Variants in SLC1A3 observed in about 807,000 individuals in gnomAD.
The protein encoded by SLC1A3 is solute carrier family 1 member 3.
In SLC1A3, 21 loss-of-function variants were observed where a neutral mutation model predicts 48.1. That is an observed-to-expected ratio of 0.44 (90% CI 0.31 to 0.63). The LOEUF (loss-of-function observed/expected upper bound fraction) is 0.63, where lower values mean the gene tolerates loss of function less well. SLC1A3 is among the 20% of genes least tolerant of loss of function. The pLI, the probability that SLC1A3 is intolerant of heterozygous loss-of-function variation, is 0.08. For missense variants in SLC1A3, 546 were observed against 689.0 expected (o/e 0.79, Z 2.32); for synonymous variants, 239 against 251.4 (o/e 0.95, Z 0.47).
chr5:36,601,315 GA>G (rs748329781), intron 1 of SLC1A3, among the ~76,000 whole-genome samples: 41 of 152,264 alleles, frequency 2.7e-4, no homozygotes, highest in Non-Finnish European at 5.3e-4. Context: ...ATCCTAATGA[GA>G]AGCCATTAAT....
chr5:36,597,901 G>A (rs904966543), intron 1 of SLC1A3, among the ~76,000 whole-genome samples: 3 of 152,112 alleles, frequency 2.0e-5, no homozygotes, highest in African/African-American at 7.2e-5. Context: ...GTCCGCTGAG[G>A]GATTTTATGT....
chr5:36,645,726 G>A (rs558619459), intron 3 of SLC1A3, among the ~76,000 whole-genome samples: 30 of 152,220 alleles, frequency 2.0e-4, no homozygotes, highest in African/African-American at 6.5e-4. Context: ...TGTTTCATTC[G>A]TCTTTATTTG....
intron 3 of SLC1A3, among the ~76,000 whole-genome samples, chr5:36,639,301 A>T (rs914931600): frequency 6.6e-6 from 1 of 152,246 alleles, no homozygotes; most frequent in Non-Finnish European, 1.5e-5. Flanking sequence ...CACATTAAAC[A>T]TACTGCCTGA....
At chr5:36,613,063 A>G in intron 2 of SLC1A3, 1 of 334,660 alleles carries the variant, frequency 3.0e-6, no homozygotes, top group Non-Finnish European at 5.9e-6. Flanking sequence ...AAGGTAGGAT[A>G]CAGGAGAAAG....
At chr5:36,604,916 G>GC (rs1377516983), upstream of SLC1A3, among the ~76,000 whole-genome samples, 3 of 140,790 alleles carry the variant, frequency 2.1e-5, no homozygotes, top group South Asian at 4.8e-4. Flanking sequence ...TGGGGGGGGG[G>GC]GGTGTGCAAA....
intron 3 of SLC1A3, chr5:36,670,802 A>C: frequency 1.7e-6 from 1 of 582,910 alleles, no homozygotes; most frequent in East Asian, 2.9e-5. Flanking sequence ...TGGGGCAGAA[A>C]ATGAGTGACT....
At position 36,636,047 on chromosome 5, in the gene SLC1A3, G is replaced by GTGTGTGTGTGTGTGTT. The variant is rs1740334483; in HGVS notation, c.319+6475_319+6476insTTGTGTGTGTGTGTGT. The stretch of plus-strand genomic sequence containing the variant: ...AGCAAATCTGGGTAATTAAATGTTT[G>GTGTGTGTGTGTGTGTT]TGTGTGTGTGTGTGTGTGTGTGTGT... On this transcript the variant is annotated intron_variant, in intron 3 of 9. Transcript: ENST00000265113. 3 of 146,682 alleles carry GTGTGTGTGTGTGTGTT rather than the reference G, an allele frequency of 2.0e-5. No individual in the cohort carries two copies. The South Asian group carries it at 6.5e-4, about 32-fold the overall frequency. The allele number at this position is 146,682 out of a possible 1,614,324, so 9.1% of individuals were successfully genotyped here. A position where few individuals can be genotyped will look rare whatever the true frequency, so the allele number is the denominator to read the frequency against.
chr5:36,621,197 CGCCTG>C (rs1739652398), intron 2 of SLC1A3, among the ~76,000 whole-genome samples: 1 of 152,152 alleles, frequency 6.6e-6, no homozygotes, highest in Non-Finnish European at 1.5e-5. Flanking sequence ...TGAGCCACCA[CGCCTG>C]GCCGAACTAA....
intron 2 of SLC1A3, among the ~76,000 whole-genome samples, chr5:36,611,725 T>G (rs1042087185): frequency 6.6e-6 from 1 of 152,164 alleles, no homozygotes; most frequent in Non-Finnish European, 1.5e-5. Flanking sequence ...AAAACCACAC[T>G]GGGAAGAGTG....
At chr5:36,654,080 G>A (rs1741194986) in intron 3 of SLC1A3, among the ~76,000 whole-genome samples, 1 of 152,194 alleles carries the variant, frequency 6.6e-6, no homozygotes, top group Admixed American at 6.5e-5. Flanking sequence ...CTGACCTCGT[G>A]ATCCACCCTC....
chr5:36,629,653 GA>G (rs1561250856), intron 3 of SLC1A3, 66 bp downstream of exon 3: 1 of 1,395,230 alleles, frequency 7.2e-7, no homozygotes, highest in African/African-American at 1.4e-5. Context: ...AGATTGCTTA[GA>G]AAAGCCAGTG....
At chr5:36,658,121 G>A (rs1741356168) in intron 3 of SLC1A3, among the ~76,000 whole-genome samples, 1 of 152,152 alleles carries the variant, frequency 6.6e-6, no homozygotes, top group Non-Finnish European at 1.5e-5. Flanking sequence ...ACAGGTACAC[G>A]CATGACTATA....
intron 1 of SLC1A3, among the ~76,000 whole-genome samples, chr5:36,596,962 C>A (rs1738747998): frequency 6.6e-6 from 1 of 152,058 alleles, no homozygotes; most frequent in South Asian, 2.1e-4. Flanking sequence ...AATGTTGCCG[C>A]CTGGGGGTTG....
At chr5:36,623,888 A>G (rs1339981345) in intron 2 of SLC1A3, among the ~76,000 whole-genome samples, 1 of 151,942 alleles carries the variant, frequency 6.6e-6, no homozygotes, top group East Asian at 1.9e-4. Flanking sequence ...AAGAAAAGAA[A>G]AAGAAAGACT....
chr5:36,640,791 C>T (rs903425551), intron 3 of SLC1A3, among the ~76,000 whole-genome samples: 5 of 152,106 alleles, frequency 3.3e-5, no homozygotes, highest in African/African-American at 1.2e-4. Context: ...TATAAAACCA[C>T]AATCTTGTTT....
intron 3 of SLC1A3, among the ~76,000 whole-genome samples, chr5:36,662,687 C>A (rs1741565973): frequency 6.6e-6 from 1 of 152,226 alleles, no homozygotes; most frequent in Admixed American, 6.5e-5. Flanking sequence ...CTGTGGGCCT[C>A]TGAGAAGTGA....
intron 3 of SLC1A3, among the ~76,000 whole-genome samples, chr5:36,666,739 G>T (rs979262224): frequency 6.6e-6 from 1 of 152,124 alleles, no homozygotes; most frequent in African/African-American, 2.4e-5. Flanking sequence ...ATTTATCCAA[G>T]AAGTCATATT....
At chr5:36,599,508 CTTTTTTTTTT>C (rs1176214248) in intron 1 of SLC1A3, among the ~76,000 whole-genome samples, 1 of 78,286 alleles carries the variant, frequency 1.3e-5, no homozygotes, top group Non-Finnish European at 2.2e-5. Context: ...TACGGTTGAA[CTTTTTTTTTT>C]TTTTTTTTTG....
chr5:36,647,748 T>G (rs1179930767), intron 3 of SLC1A3, among the ~76,000 whole-genome samples: 1 of 152,210 alleles, frequency 6.6e-6, no homozygotes, highest in African/African-American at 2.4e-5. Flanking sequence ...GGCCATTTCC[T>G]TAGCAAACAT....
Sources: gnomAD v4.1 joint callset for allele counts (sites outside exome capture counted in the v4.1 genomes callset) on GRCh38, gnomAD v4.1.1 for gene constraint, MANE v1.5 for transcripts, NCBI Gene and HGNC (gene_info 2026-07-23, HGNC 2026-07-21) for gene names.